NDC80: variants seen among roughly 807,000 people sequenced by gnomAD.
NDC80 encodes NDC80 kinetochore complex component.
In NDC80, 69 loss-of-function variants were observed where a neutral mutation model predicts 89.3. The ratio of observed to expected loss-of-function variants is 0.77; its 90% CI spans 0.64 to 0.94. NDC80 has a LOEUF of 0.94. Among genes scored for constraint, NDC80 ranks in the 40% least tolerant of loss-of-function variants. The pLI is 0.00. For synonymous variants in NDC80, 243 were observed against 255.6 expected (o/e 0.95, Z 0.47); for missense variants, 593 against 739.6 (o/e 0.80, Z 2.30).
intron 16 of NDC80, 36 bp from the exon 17 acceptor site, chr18:2,616,401 T>G (rs1396354990): frequency 7.4e-7 from 1 of 1,352,870 alleles, no homozygotes; most frequent in Non-Finnish European, 1.0e-6. Context: ...GAAATTAATT[T>G]TTTTTACTTT....
chr18:2,592,121 T>C (rs1167109942), intron 10 of NDC80, among the ~76,000 whole-genome samples: 1 of 152,208 alleles, frequency 6.6e-6, no homozygotes, highest in African/African-American at 2.4e-5. Context: ...AGAATTGTCA[T>C]ACATCCTTCT....
rs201439100 is a variant in NDC80, at chr18:2,599,123, T to C, written c.1326T>C (p.Asn442=). ...GTTATGACTTTGAAATTAAGTTTAATCCCGAGGCTGGTGCCAACTGCCTTG... is the reference window on the plus strand; with the variant it reads ...GTTATGACTTTGAAATTAAGTTTAACCCCGAGGCTGGTGCCAACTGCCTTG... ...SKGYDFEIKF[N]PEAGANCLVK... The change falls in exon 12 of 17, where the codon AAT becomes AAC. Residue 442 remains asparagine, a synonymous_variant. Coordinates refer to ENST00000261597, the MANE Select transcript of NDC80 (RefSeq NM_006101.3). The C allele has an allele frequency of 2.2e-5, 36 of 1,613,436 alleles. No homozygotes were observed. The highest frequency in any genetic ancestry group is 1.8e-4 in the Admixed American group (11 of 59,934).
chr18:2,596,868 C>T (rs1472268134), intron 11 of NDC80, among the ~76,000 whole-genome samples: 2 of 151,336 alleles, frequency 1.3e-5, no homozygotes, highest in Non-Finnish European at 2.9e-5. Flanking sequence ...GAGTTCATGT[C>T]CTTTGTAGGG....
chr18:2,580,983 G>A (rs1344544061), intron 6 of NDC80, among the ~76,000 whole-genome samples: 1 of 151,398 alleles, frequency 6.6e-6, no homozygotes, highest in Admixed American at 6.6e-5. Flanking sequence ...CTCGTGATCC[G>A]CCCACCTCAG....
intron 16 of NDC80, among the ~76,000 whole-genome samples, chr18:2,614,662 T>G (rs2072774899): frequency 1.4e-5 from 2 of 139,524 alleles, no homozygotes; most frequent in Admixed American, 7.0e-5. Flanking sequence ...AGAAATAAAT[T>G]TGGCAATCCG....
intron 8 of NDC80, 78 bp from the exon 9 acceptor site, chr18:2,589,126 G>C (rs1015822542): frequency 1.1e-6 from 1 of 872,208 alleles, no homozygotes; most frequent in Non-Finnish European, 1.9e-6. Context: ...AGTGAGGGAG[G>C]GAGTAATGGT....
chr18:2,614,077 AG>A (rs1409605895), intron 16 of NDC80, among the ~76,000 whole-genome samples: 1 of 152,226 alleles, frequency 6.6e-6, no homozygotes, highest in Non-Finnish European at 1.5e-5. Context: ...AATGCCAGCA[AG>A]GATGTGGAGA....
chr18:2,583,697 CAA>C (rs377184384), intron 6 of NDC80, among the ~76,000 whole-genome samples: 12 of 116,556 alleles, frequency 1.0e-4, no homozygotes, highest in Admixed American at 3.6e-4. Flanking sequence ...GACTCCGTCT[CAA>C]AAAAAAAAAA....
rs180839505 is a variant in NDC80 at position 2,581,032 on chromosome 18, G to A, written c.579+2003G>A. Among the ~76,000 whole-genome samples, 124 of 151,944 alleles carry A rather than the reference G, an allele frequency of 8.2e-4. 1 individual carries two copies. The highest frequency in any genetic ancestry group is 2.8e-3 in the African/African-American group (117 of 41,464). On this transcript the variant is annotated intron_variant, in intron 6 of 16. Coordinates refer to ENST00000261597, the MANE Select transcript of NDC80 (RefSeq NM_006101.3). The stretch of plus-strand genomic sequence containing the variant: ...TGGGATTACAGGCATGAGCCACCAC[G>A]CCCGGCCCTCCAAGCCCATTATTTA...
chr18:2,573,068 G>A lies in NDC80; in HGVS notation c.83G>A (p.Gly28Asp), dbSNP rs147021077. 5.4e-4 allele frequency: 875 copies of A among 1,613,760 alleles called. 2 individuals are homozygous for A. The highest frequency in any genetic ancestry group is 6.8e-4 in the Admixed American group (41 of 60,000). Residue 28 changes from glycine to aspartate, a missense_variant, in exon 2 of 17, where the codon GGC (glycine) becomes GAC (aspartate). Coordinates refer to ENST00000261597, the MANE Select transcript of NDC80 (RefSeq NM_006101.3). ...AGATCCCAGGATGTAAATAAACAAG[G>A]CCTCTATACCCCTCAAACGTGAGTA... The part of the protein sequence containing the change: ...ELRSQDVNKQ[G>D]LYTPQTKEKP...
Position 2,599,001 on chromosome 18 carries a change from T to C in NDC80, c.1222-18T>C, listed in dbSNP as rs376320039. ...AATGGGGCTGCTTTAACATGTCTTA[T>C]GTGTTCTGTTCTTACAGATTGAAAC... On this transcript the variant is annotated intron_variant, in intron 11 of 16. Transcript: ENST00000261597. 9 of 1,570,538 alleles carry C rather than the reference T, an allele frequency of 5.7e-6. No individual in the cohort carries two copies. In the East Asian group the frequency reaches 6.9e-5, roughly 12 times the overall value.
At chr18:2,590,759 C>G (rs972421076) in intron 10 of NDC80, among the ~76,000 whole-genome samples, 2 of 152,164 alleles carry the variant, frequency 1.3e-5, no homozygotes, top group Non-Finnish European at 2.9e-5. Flanking sequence ...ACCTACTACT[C>G]CTTACATGTT....
At chr18:2,573,141 A>T (rs1011943776) in intron 2 of NDC80, 55 bp downstream of exon 2, 7 of 1,352,824 alleles carry the variant, frequency 5.2e-6, no homozygotes, top group Non-Finnish European at 7.3e-6. Flanking sequence ...TAGGCAAAGA[A>T]ATCATAAGAA....
At chr18:2,603,628 G>A (rs1254603104) in intron 13 of NDC80, among the ~76,000 whole-genome samples, 1 of 151,562 alleles carries the variant, frequency 6.6e-6, no homozygotes, top group Non-Finnish European at 1.5e-5. Context: ...AGAAAAAGCA[G>A]GAAAATATAA....
chr18:2,578,552 A>C (rs774622099), intron 5 of NDC80, among the ~76,000 whole-genome samples: 1 of 152,216 alleles, frequency 6.6e-6, no homozygotes, highest in Non-Finnish European at 1.5e-5. Context: ...ACAAAAAAAA[A>C]CAGGATTCAC....
chr18:2,589,148 A>G, intron 8 of NDC80, 56 bp from the exon 9 acceptor site: 1 of 1,162,636 alleles, frequency 8.6e-7, no homozygotes, highest in Non-Finnish European at 1.3e-6. Flanking sequence ...AAAACTTGGG[A>G]AAGAATGTTC....
intron 10 of NDC80, chr18:2,593,577 A>G (rs1440051788): frequency 6.4e-6 from 1 of 156,570 alleles, no homozygotes; most frequent in East Asian, 1.9e-4. Context: ...CAATTCTTCC[A>G]CAATTCACAG....
At chr18:2,605,598 G>C (rs1014172077) in intron 13 of NDC80, among the ~76,000 whole-genome samples, 1 of 152,010 alleles carries the variant, frequency 6.6e-6, no homozygotes, top group African/African-American at 2.4e-5. Context: ...ATCTGGTTTT[G>C]AGTTCTGGGC....
At chr18:2,607,351 G>A (rs2072717272) in intron 14 of NDC80, among the ~76,000 whole-genome samples, 1 of 152,032 alleles carries the variant, frequency 6.6e-6, no homozygotes, top group Admixed American at 6.6e-5. Context: ...ATTAATTTGG[G>A]CTACTTTGCC....
Sources: allele counts gnomAD v4.1 joint callset (sites outside exome capture counted in the v4.1 genomes callset), GRCh38; gene constraint gnomAD v4.1.1; transcripts MANE v1.5; gene names NCBI Gene and HGNC (gene_info 2026-07-23, HGNC 2026-07-21).